The following DAOA variants were observed in gnomAD, a reference collection of about 807,000 sequenced individuals.
DAOA encodes the protein D-amino acid oxidase activator.
A neutral mutation model predicts 16.4 loss-of-function variants in DAOA; 15 were observed. The observed-to-expected ratio is 0.91, with a 90% CI of 0.61 to 1.41. DAOA has a LOEUF of 1.41. Among genes scored for constraint, DAOA ranks in the 40% most tolerant of loss-of-function variants. The pLI, the probability that DAOA is intolerant of heterozygous loss-of-function variation, is 0.00. For synonymous variants in DAOA, 75 were observed against 59.1 expected (o/e 1.27, Z -1.23); for missense variants, 230 against 176.8 (o/e 1.30, Z -1.71).
In DAOA at chr13:105,476,698, C is replaced by T. The variant is rs185609999; in HGVS notation, c.281+4013C>T. Among the ~76,000 whole-genome samples, 7 of 151,902 alleles carry T rather than the reference C, an allele frequency of 4.6e-5. No individual in the cohort carries two copies. In the East Asian group the frequency reaches 5.8e-4, roughly 13 times the overall value. On this transcript the variant is annotated intron_variant, in intron 4 of 5. Transcript: ENST00000375936. ...AATAGGGCATGAAATTTGGGGCCAG[C>T]CACAGTTCCAATTATTCCTAATTTC...
At chr13:105,466,157 C>T in intron 1 of DAOA, 59 bp from the exon 2 acceptor site, 4 of 1,421,492 alleles carry the variant, frequency 2.8e-6, no homozygotes, top group Non-Finnish European at 2.8e-6. Context: ...GAGCTACACC[C>T]CAAATTAGTG....
intron 4 of DAOA, among the ~76,000 whole-genome samples, chr13:105,481,923 G>A (rs1877773509): frequency 6.6e-6 from 1 of 152,116 alleles, no homozygotes; most frequent in African/African-American, 2.4e-5. Flanking sequence ...ACATACCTGA[G>A]ACAAAGGAAA....
chr13:105,482,108 C>T (rs1424675677), intron 4 of DAOA, among the ~76,000 whole-genome samples: 2 of 152,204 alleles, frequency 1.3e-5, no homozygotes, highest in East Asian at 1.9e-4. Flanking sequence ...ATCACAAGAA[C>T]AGCACAGGAA....
intron 3 of DAOA, among the ~76,000 whole-genome samples, chr13:105,469,405 A>T (rs979820040): frequency 3.9e-5 from 6 of 152,364 alleles, no homozygotes; most frequent in African/African-American, 1.4e-4. Flanking sequence ...AATTCACATT[A>T]TCCAATCCTA....
chr13:105,489,513 C>A (rs1878358480), intron 4 of DAOA, among the ~76,000 whole-genome samples: 1 of 152,208 alleles, frequency 6.6e-6, no homozygotes, highest in Admixed American at 6.5e-5. Flanking sequence ...CCCTCAAAGA[C>A]AAGTCAAATG....
chr13:105,468,800 A>C (rs72655065), intron 3 of DAOA, among the ~76,000 whole-genome samples: 48 of 152,344 alleles, frequency 3.2e-4, no homozygotes, highest in Non-Finnish European at 5.3e-4. Flanking sequence ...TATTCCCTTC[A>C]GAGATTTGTC....
Position 105,472,688 on chromosome 13 carries a change from A to C in DAOA, c.281+3A>C. 1.3e-6 allele frequency: 2 copies of C among 1,597,640 alleles called. No homozygotes were observed. Among genetic ancestry groups the C allele is most frequent in the Non-Finnish European group, 8.5e-7 (1 of 1,173,232 alleles). On this transcript the variant is annotated splice_donor_region_variant and intron_variant, in intron 4 of 5. Coordinates refer to ENST00000375936, the MANE Select transcript of DAOA (RefSeq NM_172370.5). The stretch of plus-strand genomic sequence containing the variant: ...TACCTTCCTCAGCCCTATGCAGAGT[A>C]TGTATCTTCTTCATTTTAAACTTTT...
At chr13:105,477,596 T>C (rs1174409168) in intron 4 of DAOA, among the ~76,000 whole-genome samples, 1 of 152,126 alleles carries the variant, frequency 6.6e-6, no homozygotes, top group African/African-American at 2.4e-5. Flanking sequence ...TGTTGGTGCA[T>C]GCCTGTAGTC....
rs745513380 is a variant in DAOA, at chr13:105,472,585, T to C, written c.181T>C (p.Trp61Arg). The change falls in exon 4 of 6, where the codon TGG becomes CGG. Residue 61 changes from tryptophan to arginine, a missense_variant. Coordinates refer to ENST00000375936, the MANE Select transcript of DAOA (RefSeq NM_172370.5). ...GRETVTRKEGWKRRHEDGYLE... is the reference protein window; with the variant it reads ...GRETVTRKEGRKRRHEDGYLE... ...AGAGACGGTAACAAGGAAAGAAGGA[T>C]GGAAGAGAAGGCATGAGGACGGCTA... The C allele has an allele frequency of 4.3e-6, 7 of 1,613,892 alleles. No individual in the cohort carries two copies. The African/African-American group carries it at 5.3e-5, about 12-fold the overall frequency.
intron 4 of DAOA, among the ~76,000 whole-genome samples, chr13:105,473,175 GTGTT>G (rs1016866637): frequency 1.3e-5 from 2 of 151,792 alleles, no homozygotes; most frequent in African/African-American, 4.8e-5. Context: ...GTGTGTGTGT[GTGTT>G]TGTGTGTGTA....
chr13:105,467,928 C>T (rs1402817215), intron 3 of DAOA, among the ~76,000 whole-genome samples: 1 of 152,144 alleles, frequency 6.6e-6, no homozygotes, highest in Non-Finnish European at 1.5e-5. Context: ...ATCAGGCTGA[C>T]AGACATCTTA....
intron 4 of DAOA, among the ~76,000 whole-genome samples, chr13:105,482,665 G>A (rs1049024611): frequency 2.0e-5 from 3 of 151,778 alleles, no homozygotes; most frequent in Non-Finnish European, 2.9e-5. Context: ...CCACCACCAC[G>A]TCTGGCTACT....
intron 4 of DAOA, among the ~76,000 whole-genome samples, chr13:105,482,420 G>A (rs9586866): frequency 0.03 from 4,479 of 150,504 alleles, 235 homozygotes; most frequent in African/African-American, 0.1. Flanking sequence ...CTTAGCTTCC[G>A]TGGGAGCTCT....
intron 4 of DAOA, among the ~76,000 whole-genome samples, chr13:105,475,885 T>A (rs1877295834): frequency 6.6e-6 from 1 of 152,148 alleles, no homozygotes; most frequent in African/African-American, 2.4e-5. Flanking sequence ...GCAGGAAAAA[T>A]GTCTGTGTAA....
intron 4 of DAOA, among the ~76,000 whole-genome samples, chr13:105,476,455 G>A (rs1028040264): frequency 1.4e-4 from 20 of 145,978 alleles, no homozygotes; most frequent in African/African-American, 4.8e-4. Flanking sequence ...CAACAAAAAA[G>A]CCTTTTCGTT....
intron 2 of DAOA, among the ~76,000 whole-genome samples, chr13:105,466,638 A>G (rs72549465): frequency 7.9e-5 from 12 of 152,224 alleles, no homozygotes; most frequent in African/African-American, 2.9e-4. Flanking sequence ...CATTGTTATA[A>G]ACCACCTCCC....
Position 105,466,348 on chromosome 13 carries a change from T to C in DAOA, c.44+16T>C. The C allele has an allele frequency of 6.2e-7, 1 of 1,613,454 alleles. No individual in the cohort carries two copies. The highest frequency in any genetic ancestry group is 8.5e-7 in the Non-Finnish European group (1 of 1,179,776). On this transcript the variant is annotated intron_variant, in intron 2 of 5. Transcript: ENST00000375936. ...AGCTTTTCAGGTAGGTAGCTTGGGG[T>C]TTTTTACAGCATGGCGGCCTCAGTG...
Position 105,467,177 on chromosome 13 carries a change from C to T in DAOA, c.133+36C>T, listed in dbSNP as rs764079037. 3 of 1,541,554 alleles carry T rather than the reference C, an allele frequency of 1.9e-6. No individual in the cohort carries two copies. The Admixed American group carries it at 5.8e-5, about 30-fold the overall frequency. The stretch of plus-strand genomic sequence containing the variant: ...CTTTATCTTTATATGAATTTAAATT[C>T]TTCTAGAAGTTAGATAAAACTGTGG... On this transcript the variant is annotated intron_variant, in intron 3 of 5. Coordinates refer to ENST00000375936, the MANE Select transcript of DAOA (RefSeq NM_172370.5).
At position 105,485,451 on chromosome 13, in the gene DAOA, G is replaced by A. The variant is rs562551372; in HGVS notation, c.282-4450G>A. Among the ~76,000 whole-genome samples, 9 of 152,230 alleles carry A rather than the reference G, an allele frequency of 5.9e-5. No individual in the cohort carries two copies. In the East Asian group the frequency reaches 1.7e-3, roughly 29 times the overall value. On this transcript the variant is annotated intron_variant, in intron 4 of 5. Coordinates refer to ENST00000375936, the MANE Select transcript of DAOA (RefSeq NM_172370.5). ...TCAGACTTAATCATGAAGTCCTGTT[G>A]AGTCTACCACCAAAAATATATTTTA...
Sources: gnomAD v4.1 joint callset for allele counts (sites outside exome capture counted in the v4.1 genomes callset) on GRCh38, gnomAD v4.1.1 for gene constraint, MANE v1.5 for transcripts, NCBI Gene and HGNC (gene_info 2026-07-23, HGNC 2026-07-21) for gene names.